NRBF2: variants seen among roughly 807,000 people sequenced by gnomAD.
NRBF2 encodes nuclear receptor binding factor 2, also known as nuclear receptor-binding factor 2.
NRBF2 carries 12 observed loss-of-function variants against 28.5 expected under a neutral mutation model. The ratio of observed to expected loss-of-function variants is 0.42; its 90% CI spans 0.27 to 0.68. The LOEUF (loss-of-function observed/expected upper bound fraction) is 0.68. Among genes scored for constraint, NRBF2 ranks in the 30% least tolerant of loss-of-function variants. The probability of loss-of-function intolerance (pLI) is 0.24; values close to 1 mark genes in which losing one functional copy is unlikely to be tolerated. For missense variants in NRBF2, 274 were observed against 333.5 expected, an observed-to-expected ratio of 0.82 and a Z score of 1.39; for synonymous variants, 102 against 116.5, an observed-to-expected ratio of 0.88 and a Z score of 0.80.
chr10:63,141,985 A>G (rs972126618), intron 1 of NRBF2, among the ~76,000 whole-genome samples: 1 of 152,140 alleles, frequency 6.6e-6, no homozygotes, highest in African/African-American at 2.4e-5. Context: ...GTTTTAAGGG[A>G]GCTGGGAGAG....
chr10:63,149,349 G>A (rs1478674857), intron 2 of NRBF2, among the ~76,000 whole-genome samples: 4 of 152,188 alleles, frequency 2.6e-5, no homozygotes, highest in Admixed American at 6.5e-5. Flanking sequence ...GATTACAGGC[G>A]TGAGCCACTG....
In NRBF2 at chr10:63,133,328, G is replaced by C; in HGVS notation, c.-143G>C. 1.1e-6 allele frequency: 1 copy of C among 944,258 alleles called. No individual in the cohort carries two copies. The highest frequency in any genetic ancestry group is 2.8e-5 in the East Asian group (1 of 35,850). The allele number at this position is 944,258 out of a possible 1,614,324, so 58.5% of individuals were successfully genotyped here. A position where few individuals can be genotyped will look rare whatever the true frequency, so the allele number is the denominator to read the frequency against. On this transcript the variant is annotated 5_prime_UTR_variant, in exon 1 of 4. Coordinates refer to ENST00000277746, the MANE Select transcript of NRBF2 (RefSeq NM_030759.5). ...CGGAGGAGGAAGTGGTGAGGTTGTT[G>C]CTCCTTCAGCGCCTATCGCTGGCTC... is the stretch of plus-strand genomic sequence containing the variant.
chr10:63,137,999 C>T (rs1277553657), intron 1 of NRBF2, among the ~76,000 whole-genome samples: 1 of 152,046 alleles, frequency 6.6e-6, no homozygotes, highest in East Asian at 1.9e-4. Flanking sequence ...AAGATGAAGA[C>T]TTTGAAATGC....
At chr10:63,142,780 C>CTTTCTTTTTTTT (rs1554821458) in intron 1 of NRBF2, among the ~76,000 whole-genome samples, 5 of 74,940 alleles carry the variant, frequency 6.7e-5, no homozygotes, top group African/African-American at 2.9e-4. Flanking sequence ...TTCTTTCTTT[C>CTTTCTTTTTTTT]TTTTTTTTTT....
At chr10:63,146,364 GCTTTT>G in intron 2 of NRBF2, 71 bp downstream of exon 2, 2 of 1,052,614 alleles carry the variant, frequency 1.9e-6, no homozygotes, top group Non-Finnish European at 2.8e-6. Context: ...AATGTGTGTT[GCTTTT>G]CATATGCAAG....
At position 63,154,367 on chromosome 10, in the gene NRBF2, T is replaced by C. The variant is rs1841698356; in HGVS notation, c.*149T>C. 4 of 597,008 alleles carry C rather than the reference T, an allele frequency of 6.7e-6. No individual in the cohort carries two copies. The highest frequency in any genetic ancestry group is 1.2e-5 in the Non-Finnish European group (4 of 340,338). The allele number at this position is 597,008 out of a possible 1,614,324, so 37.0% of individuals were successfully genotyped here. A position where few individuals can be genotyped will look rare whatever the true frequency, so the allele number is the denominator to read the frequency against. On this transcript the variant is annotated 3_prime_UTR_variant, in exon 4 of 4. Transcript: ENST00000277746. ...GTGGGAGCAGAGGCATTGCCAGGACTTGGGAAACAGTCACTGTGAAATGCG... is the reference window on the plus strand; with the variant it reads ...GTGGGAGCAGAGGCATTGCCAGGACCTGGGAAACAGTCACTGTGAAATGCG...
At chr10:63,146,145 CT>C in intron 1 of NRBF2, 63 bp from the exon 2 acceptor site, 4 of 1,316,062 alleles carry the variant, frequency 3.0e-6, no homozygotes, top group Non-Finnish European at 4.4e-6. Flanking sequence ...AAGGTAGTTG[CT>C]TTTTGAAAGA....
At chr10:63,146,957 G>A (rs183411671) in intron 2 of NRBF2, among the ~76,000 whole-genome samples, 1 of 152,256 alleles carries the variant, frequency 6.6e-6, no homozygotes, top group African/African-American at 2.4e-5. Flanking sequence ...GTTTTGCTTA[G>A]ACCAGTTTCT....
chr10:63,142,293 G>GTTTTTTTT (rs1261835924), intron 1 of NRBF2, among the ~76,000 whole-genome samples: 9 of 135,530 alleles, frequency 6.6e-5, no homozygotes, highest in East Asian at 4.6e-4. Flanking sequence ...CAGAACCTTT[G>GTTTTTTTT]TTTTTTTTGT....
At chr10:63,135,894 C>T (rs553000274) in intron 1 of NRBF2, among the ~76,000 whole-genome samples, 1 of 152,276 alleles carries the variant, frequency 6.6e-6, no homozygotes, top group Admixed American at 6.5e-5. Context: ...ATCCCCCCGC[C>T]TGGCCTCCCA....
Position 63,133,351 on chromosome 10 carries a change from C to A in NRBF2, c.-120C>A. The stretch of plus-strand genomic sequence containing the variant: ...TTGCTCCTTCAGCGCCTATCGCTGG[C>A]TCTTGGGGCGCAGAGAGGGGCCGCA... On this transcript the variant is annotated 5_prime_UTR_variant, in exon 1 of 4. Coordinates refer to ENST00000277746, the MANE Select transcript of NRBF2 (RefSeq NM_030759.5). 2 of 1,202,330 alleles carry A rather than the reference C, an allele frequency of 1.7e-6. No individual in the cohort carries two copies. Among genetic ancestry groups the A allele is most frequent in the African/African-American group, 1.5e-5 (1 of 65,376 alleles). 74.5% of individuals were successfully genotyped at this position (1,202,330 alleles called of 1,614,324 possible).
chr10:63,148,174 G>T lies in NRBF2; in HGVS notation c.115+1881G>T, dbSNP rs763979288. ...ATATAAAGAGAAGGAAATTTTAGTT[G>T]TAACCTAATCCTTGTCTTTGAAGAC... On this transcript the variant is annotated intron_variant, in intron 2 of 3. Coordinates refer to ENST00000277746, the MANE Select transcript of NRBF2 (RefSeq NM_030759.5). 5.5e-4 allele frequency among the ~76,000 whole-genome samples: 83 copies of T among 152,196 alleles called. 1 individual carries two copies. Among genetic ancestry groups the T allele is most frequent in the Non-Finnish European group, 1.0e-3 (71 of 68,038 alleles).
intron 1 of NRBF2, among the ~76,000 whole-genome samples, chr10:63,140,950 C>T (rs1489496714): frequency 2.0e-5 from 3 of 152,138 alleles, no homozygotes; most frequent in Admixed American, 1.3e-4. Flanking sequence ...CTGCCTGCCT[C>T]GGCCTCCCAA....
intron 1 of NRBF2, among the ~76,000 whole-genome samples, chr10:63,143,501 A>G (rs1841507310): frequency 6.6e-6 from 1 of 151,864 alleles, no homozygotes; most frequent in South Asian, 2.1e-4. Flanking sequence ...TGTGTTGCCC[A>G]GGCTGAAGTG....
intron 2 of NRBF2, among the ~76,000 whole-genome samples, chr10:63,147,614 T>TTA (rs1272294408): frequency 6.8e-6 from 1 of 146,100 alleles, no homozygotes; most frequent in African/African-American, 2.6e-5. Flanking sequence ...TCTCAGCCTT[T>TTA]TTTTTTTTTT....
rs1225415879 is a variant in NRBF2, at chr10:63,153,533, A to G, written c.179A>G (p.Gln60Arg). Residue 60 changes from glutamine (Q) to arginine (R), a missense_variant, in exon 4 of 4, where the codon CAA (glutamine) becomes CGA (arginine). Coordinates refer to ENST00000277746, the MANE Select transcript of NRBF2 (RefSeq NM_030759.5). Reference sequence around the variant, plus strand: ...TAGGCTCATCTTTCACTGGAATTGCAAAGGGATAGCCATATGAAACAGCTC... The same window carrying G: ...TAGGCTCATCTTTCACTGGAATTGCGAAGGGATAGCCATATGAAACAGCTC... ...SEQAHLSLELQRDSHMKQLLL... is the reference protein window; with the variant it reads ...SEQAHLSLELRRDSHMKQLLL... The G allele has an allele frequency of 6.2e-7, 1 of 1,604,430 alleles. No homozygotes were observed. Among genetic ancestry groups the G allele is most frequent in the South Asian group, 1.1e-5 (1 of 89,856 alleles).
chr10:63,145,332 C>G (rs1418933868), intron 1 of NRBF2, among the ~76,000 whole-genome samples: 1 of 152,068 alleles, frequency 6.6e-6, no homozygotes, highest in East Asian at 1.9e-4. Context: ...CCTCGGCCTC[C>G]CAAAGTGTTG....
chr10:63,147,592 G>A (rs1841582221), intron 2 of NRBF2, among the ~76,000 whole-genome samples: 1 of 147,696 alleles, frequency 6.8e-6, no homozygotes, highest in South Asian at 2.1e-4. Flanking sequence ...GATTACAGGC[G>A]TTAGCCACTG....
chr10:63,154,124 C>T lies in NRBF2; in HGVS notation c.770C>T (p.Pro257Leu). 1 of 1,613,844 alleles carries T rather than the reference C, an allele frequency of 6.2e-7. No homozygotes were observed. The highest frequency in any genetic ancestry group is 8.5e-7 in the Non-Finnish European group (1 of 1,179,752). Residue 257 changes from proline (P) to leucine (L), a missense_variant, in exon 4 of 4, where the codon CCA (proline) becomes CTA (leucine). Pro to Leu is a moderately conservative substitution (Grantham distance 98). Transcript: ENST00000277746. Reference sequence around the variant, plus strand: ...AATACTGGGAAAGCCAAGGACATTCCAATCCCCAATCTTCCTCCCTTGGAT... The same window carrying T: ...AATACTGGGAAAGCCAAGGACATTCTAATCCCCAATCTTCCTCCCTTGGAT... ...AANTGKAKDIPIPNLPPLDFP... is the reference protein window; with the variant it reads ...AANTGKAKDILIPNLPPLDFP...
Sources: allele counts gnomAD v4.1 joint callset (sites outside exome capture counted in the v4.1 genomes callset), GRCh38; gene constraint gnomAD v4.1.1; transcripts MANE v1.5; gene names NCBI Gene and HGNC (gene_info 2026-07-23, HGNC 2026-07-21).